CORIN: variants seen among roughly 807,000 people sequenced by gnomAD.
CORIN encodes corin, serine peptidase.
Under a neutral mutation model 125.3 loss-of-function variants are expected in CORIN, and 117 were observed. The ratio of observed to expected loss-of-function variants is 0.93; its 90% CI spans 0.80 to 1.09. The LOEUF (loss-of-function observed/expected upper bound fraction) is 1.09, where lower values mean the gene tolerates loss of function less well. CORIN is among the 50% of genes least tolerant of loss of function. CORIN has a pLI of 0.00. For missense variants in CORIN, 1,253 were observed against 1,306.7 expected (o/e 0.96, Z 0.63); for synonymous variants, 450 against 466.4 (o/e 0.96, Z 0.45).
At chr4:47,779,430 T>C (rs1046619984) in intron 3 of CORIN, among the ~76,000 whole-genome samples, 17 of 148,322 alleles carry the variant, frequency 1.1e-4, no homozygotes, top group Admixed American at 1.0e-3. Context: ...ATATTCTTTT[T>C]TTTTTCTTTT....
At chr4:47,599,327 AC>A (rs1721363575) in intron 21 of CORIN, among the ~76,000 whole-genome samples, 1 of 152,256 alleles carries the variant, frequency 6.6e-6, no homozygotes, top group East Asian at 1.9e-4. Flanking sequence ...CATTTTCAAT[AC>A]CCTGATTTTT....
At chr4:47,703,290 G>A (rs907317831) in intron 5 of CORIN, among the ~76,000 whole-genome samples, 14 of 152,088 alleles carry the variant, frequency 9.2e-5, no homozygotes, top group Non-Finnish European at 2.9e-5. Context: ...GTAGAATTGG[G>A]AAAACCTAGC....
At chr4:47,654,802 C>T (rs746761485) in intron 12 of CORIN, among the ~76,000 whole-genome samples, 4 of 152,064 alleles carry the variant, frequency 2.6e-5, no homozygotes, top group African/African-American at 4.8e-5. Context: ...AGACAGTGGA[C>T]TTGGGGGCAT....
intron 4 of CORIN, among the ~76,000 whole-genome samples, chr4:47,747,897 T>G (rs545106494): frequency 6.6e-6 from 1 of 152,346 alleles, no homozygotes; most frequent in South Asian, 2.1e-4. Context: ...GCAATGTTTC[T>G]CAGAGGAGCA....
intron 3 of CORIN, among the ~76,000 whole-genome samples, chr4:47,774,710 A>G (rs534544343): frequency 5.0e-4 from 76 of 152,140 alleles, no homozygotes; most frequent in Non-Finnish European, 8.1e-4. Flanking sequence ...CATGTGCCAG[A>G]CTGTAAGACT....
intron 5 of CORIN, among the ~76,000 whole-genome samples, chr4:47,703,216 TA>T (rs2109762459): frequency 6.6e-6 from 1 of 152,228 alleles, no homozygotes; most frequent in African/African-American, 2.4e-5. Flanking sequence ...ACTCACCACA[TA>T]AACCCCACCC....
intron 5 of CORIN, among the ~76,000 whole-genome samples, chr4:47,740,411 C>T (rs1157692661): frequency 6.6e-6 from 1 of 151,816 alleles, no homozygotes; most frequent in Non-Finnish European, 1.5e-5. Flanking sequence ...TCAGTTCTGT[C>T]AGATTTAAGT....
intron 1 of CORIN, among the ~76,000 whole-genome samples, chr4:47,833,914 T>C (rs1432813835): frequency 3.9e-5 from 6 of 152,182 alleles, no homozygotes; most frequent in Non-Finnish European, 1.5e-5. Context: ...AAGTGTTGGA[T>C]GCCAAGAAAA....
At chr4:47,755,544 TAAG>T (rs952204480) in intron 4 of CORIN, among the ~76,000 whole-genome samples, 2 of 152,242 alleles carry the variant, frequency 1.3e-5, no homozygotes, top group Admixed American at 6.5e-5. Context: ...GAGTTAATAT[TAAG>T]AAGAAGCACA....
At chr4:47,730,756 T>C in intron 5 of CORIN, among the ~76,000 whole-genome samples, 1 of 152,236 alleles carries the variant, frequency 6.6e-6, no homozygotes. Context: ...AATGCAGCAA[T>C]ACTGATGAAG....
At chr4:47,621,942 G>T in intron 19 of CORIN, among the ~76,000 whole-genome samples, 1 of 147,890 alleles carries the variant, frequency 6.8e-6, no homozygotes, top group Non-Finnish European at 1.5e-5. Flanking sequence ...CTGGTGCACT[G>T]CACCCACTAA....
chr4:47,742,558 C>G (rs1728455724), intron 5 of CORIN, among the ~76,000 whole-genome samples: 2 of 151,804 alleles, frequency 1.3e-5, no homozygotes, highest in African/African-American at 4.8e-5. Flanking sequence ...ATGGTTAAAC[C>G]TATAACACAT....
intron 2 of CORIN, among the ~76,000 whole-genome samples, chr4:47,803,190 T>C (rs1054383026): frequency 1.3e-5 from 2 of 151,930 alleles, no homozygotes; most frequent in African/African-American, 4.8e-5. Flanking sequence ...TAAAAACTGA[T>C]GAAAAAAACT....
intron 13 of CORIN, among the ~76,000 whole-genome samples, chr4:47,646,030 C>A (rs2109623386): frequency 7.5e-6 from 1 of 132,652 alleles, no homozygotes; most frequent in Admixed American, 8.1e-5. Context: ...CTCACCGCAA[C>A]CTCCACCTGT....
intron 1 of CORIN, among the ~76,000 whole-genome samples, chr4:47,835,397 C>A (rs910587194): frequency 6.6e-6 from 1 of 152,174 alleles, no homozygotes; most frequent in Non-Finnish European, 1.5e-5. Context: ...TTCAGTGTTG[C>A]GGCTCTCCTG....
At position 47,785,656 on chromosome 4, in the gene CORIN, G is replaced by A. The variant is rs542313917; in HGVS notation, c.409+1069C>T. ...GGGCTGGGTGCAGTGGCTCATGCCT[G>A]TAATCCCAGCACTTTGGGAGGCCGA... On this transcript the variant is annotated intron_variant, in intron 3 of 21. Coordinates refer to ENST00000273857, the MANE Select transcript of CORIN (RefSeq NM_006587.4). Among the ~76,000 whole-genome samples, 21 of 152,294 alleles carry A rather than the reference G, an allele frequency of 1.4e-4. 1 individual carries two copies. The highest frequency in any genetic ancestry group is 6.2e-4 in the South Asian group (3 of 4,830).
At chr4:47,759,265 G>A (rs1729338030) in intron 4 of CORIN, among the ~76,000 whole-genome samples, 1 of 152,120 alleles carries the variant, frequency 6.6e-6, no homozygotes, top group Non-Finnish European at 1.5e-5. Context: ...CCCAAACTAT[G>A]AAACTACTAA....
At chr4:47,663,938 T>G (rs935327129) in intron 11 of CORIN, among the ~76,000 whole-genome samples, 1 of 152,204 alleles carries the variant, frequency 6.6e-6, no homozygotes. Context: ...GAAATTTTAT[T>G]ATTTCCTGTC....
chr4:47,611,974 T>C (rs781229683), intron 19 of CORIN, among the ~76,000 whole-genome samples: 3 of 152,230 alleles, frequency 2.0e-5, no homozygotes, highest in Admixed American at 6.5e-5. Flanking sequence ...CAGTATTTTA[T>C]TGAGGATTTC....
Sources: allele counts gnomAD v4.1 joint callset (sites outside exome capture counted in the v4.1 genomes callset), GRCh38; gene constraint gnomAD v4.1.1; transcripts MANE v1.5; gene names NCBI Gene and HGNC (gene_info 2026-07-23, HGNC 2026-07-21).